Variants in GGA2 observed in about 807,000 individuals in gnomAD.
GGA2 encodes the protein golgi associated, gamma adaptin ear containing, ARF binding protein 2.
GGA2 carries 48 observed loss-of-function variants against 79.5 expected under a neutral mutation model. That is an observed-to-expected ratio of 0.60 (90% CI 0.48 to 0.77). The LOEUF (loss-of-function observed/expected upper bound fraction) is 0.77. GGA2 is among the 30% of genes least tolerant of loss of function. The pLI, the probability that GGA2 is intolerant of heterozygous loss-of-function variation, is 0.00. For synonymous variants in GGA2, 317 were observed against 302.0 expected, an observed-to-expected ratio of 1.05 and a Z score of -0.51; for missense variants, 770 against 774.0, an observed-to-expected ratio of 0.99 and a Z score of 0.06.
At chr16:23,468,453 G>T (rs555033616) in intron 16 of GGA2, among the ~76,000 whole-genome samples, 1 of 150,920 alleles carries the variant, frequency 6.6e-6, no homozygotes, top group South Asian at 2.1e-4. Flanking sequence ...TGGGATTACA[G>T]GCGTGAGCCA....
Position 23,465,303 on chromosome 16 carries a change from G to A in GGA2, c.*2287C>T. ...CACAGCCAATAACTACTTGTTAAGT[G>A]AATGAAGAGGTAGGAGCTGGGCTCT... On this transcript the variant is annotated 3_prime_UTR_variant, in exon 17 of 17. Transcript: ENST00000309859. The A allele has an allele frequency of 2.8e-6, 2 of 702,470 alleles. No individual in the cohort carries two copies. Among genetic ancestry groups the A allele is most frequent in the South Asian group, 1.5e-5 (1 of 67,548 alleles). The allele number at this position is 702,470 out of a possible 1,614,324, so 43.5% of individuals were successfully genotyped here.
chr16:23,500,638 C>T (rs918226544), intron 1 of GGA2, among the ~76,000 whole-genome samples: 1 of 152,234 alleles, frequency 6.6e-6, no homozygotes, highest in East Asian at 1.9e-4. Flanking sequence ...ATGGAACATA[C>T]TGCTCCCCAA....
intron 13 of GGA2, among the ~76,000 whole-genome samples, chr16:23,477,350 C>T (rs1337917076): frequency 6.6e-6 from 1 of 152,188 alleles, no homozygotes; most frequent in East Asian, 1.9e-4. Flanking sequence ...GCAGTTTCCC[C>T]ATACTGTTCT....
intron 1 of GGA2, among the ~76,000 whole-genome samples, chr16:23,497,442 A>T (rs1268748729): frequency 6.6e-6 from 1 of 152,136 alleles, no homozygotes; most frequent in African/African-American, 2.4e-5. Flanking sequence ...TCCTGACTGC[A>T]GTCACATTTA....
intron 14 of GGA2, among the ~76,000 whole-genome samples, chr16:23,470,563 G>C (rs1288752261): frequency 6.6e-6 from 1 of 152,036 alleles, no homozygotes; most frequent in Non-Finnish European, 1.5e-5. Flanking sequence ...AAGAGTTCAA[G>C]ACCAGCCTGG....
chr16:23,468,476 G>A (rs550514504), intron 16 of GGA2, among the ~76,000 whole-genome samples: 35 of 142,570 alleles, frequency 2.5e-4, no homozygotes, highest in East Asian at 6.5e-4. Flanking sequence ...GCACCTGGCC[G>A]ACTTTATTTT....
chr16:23,486,252 G>C, intron 7 of GGA2, 100 bp from the exon 8 acceptor site: 1 of 1,040,404 alleles, frequency 9.6e-7, no homozygotes, highest in Non-Finnish European at 1.5e-6. Flanking sequence ...AGCTCGCTCA[G>C]GGGCATCACC....
intron 11 of GGA2, 180 bp from the exon 12 acceptor site, chr16:23,479,091 G>A: frequency 1.6e-6 from 1 of 615,746 alleles, no homozygotes; most frequent in Non-Finnish European, 2.9e-6. Flanking sequence ...GGGACCCTCT[G>A]AACTGCCCAG....
intron 1 of GGA2, among the ~76,000 whole-genome samples, chr16:23,507,677 G>C (rs547784244): frequency 6.6e-6 from 1 of 152,118 alleles, no homozygotes; most frequent in African/African-American, 2.4e-5. Flanking sequence ...GCGTGTGCCC[G>C]TAATCCCAGC....
At chr16:23,511,198 G>A (rs1965055247), upstream of GGA2, among the ~76,000 whole-genome samples, 1 of 151,944 alleles carries the variant, frequency 6.6e-6, no homozygotes, top group Admixed American at 6.6e-5. Flanking sequence ...TGTCGCCTAG[G>A]CTGGAGTGCA....
At chr16:23,493,709 G>C (rs1209741098) in intron 3 of GGA2, 3 of 453,514 alleles carry the variant, frequency 6.6e-6, no homozygotes, top group Non-Finnish European at 1.2e-5. Flanking sequence ...CAAACCCTGA[G>C]GTCACCCCAC....
chr16:23,482,682 C>G (rs575370622), intron 9 of GGA2, among the ~76,000 whole-genome samples: 5 of 152,308 alleles, frequency 3.3e-5, no homozygotes, highest in African/African-American at 1.2e-4. Flanking sequence ...CTCTCACACC[C>G]CAATCTCCAT....
intron 1 of GGA2, among the ~76,000 whole-genome samples, chr16:23,508,156 C>G (rs1394703568): frequency 6.6e-6 from 1 of 151,772 alleles, no homozygotes; most frequent in Non-Finnish European, 1.5e-5. Context: ...AACCTCTGCC[C>G]CAAGGGTTCA....
At chr16:23,512,624 G>C (rs1965079629), upstream of GGA2, among the ~76,000 whole-genome samples, 1 of 148,436 alleles carries the variant, frequency 6.7e-6, no homozygotes, top group African/African-American at 2.5e-5. Flanking sequence ...CAACATTCCT[G>C]ATCTATACAT....
intron 1 of GGA2, among the ~76,000 whole-genome samples, chr16:23,509,339 T>G (rs142028444): frequency 4.2e-4 from 64 of 152,210 alleles, no homozygotes; most frequent in Non-Finnish European, 6.5e-4. Context: ...TGTCCCCAGC[T>G]TTTGCACACG....
intron 13 of GGA2, among the ~76,000 whole-genome samples, chr16:23,476,457 C>A (rs1459336217): frequency 6.6e-6 from 1 of 152,148 alleles, no homozygotes; most frequent in Admixed American, 6.6e-5. Context: ...GGGATCTATA[C>A]TATAAGGCAC....
intron 1 of GGA2, among the ~76,000 whole-genome samples, chr16:23,503,974 G>C (rs1964947339): frequency 6.6e-6 from 1 of 152,094 alleles, no homozygotes; most frequent in Non-Finnish European, 1.5e-5. Flanking sequence ...CCAGCTACTT[G>C]AGAGGCTAAA....
chr16:23,499,439 C>T (rs1964895504), intron 1 of GGA2, among the ~76,000 whole-genome samples: 1 of 152,014 alleles, frequency 6.6e-6, no homozygotes, highest in South Asian at 2.1e-4. Flanking sequence ...CTACCACACC[C>T]GGCCGGCACC....
chr16:23,487,679 C>A (rs1339450844), intron 6 of GGA2, among the ~76,000 whole-genome samples: 1 of 152,014 alleles, frequency 6.6e-6, no homozygotes, highest in African/African-American at 2.4e-5. Context: ...CACACCATAC[C>A]TCCTTCCTAG....
Sources: allele counts gnomAD v4.1 joint callset (sites outside exome capture counted in the v4.1 genomes callset), GRCh38; gene constraint gnomAD v4.1.1; transcripts MANE v1.5; gene names NCBI Gene and HGNC (gene_info 2026-07-23, HGNC 2026-07-21).